Variants in ADGRE2 observed in about 807,000 individuals in gnomAD.
The protein encoded by ADGRE2 is CD97 antigen.
Under a neutral mutation model 100.8 loss-of-function variants are expected in ADGRE2, and 83 were observed. The ratio of observed to expected loss-of-function variants is 0.82; its 90% CI spans 0.69 to 0.99. The LOEUF (loss-of-function observed/expected upper bound fraction) is 0.99. ADGRE2 is among the 50% of genes least tolerant of loss of function. ADGRE2 has a pLI of 0.00. For missense variants in ADGRE2, 814 were observed against 1,035.7 expected (o/e 0.79, Z 2.94); for synonymous variants, 355 against 413.0 (o/e 0.86, Z 1.70).
chr19:14,776,901 G>C lies in ADGRE2; in HGVS notation c.-145C>G. Reference sequence around the variant, plus strand: ...GGGGGGGCGGACAGCCGCTGGCCCAGGGCCCTCCCCGGAACTGGCGGTGCA... The same window carrying C: ...GGGGGGGCGGACAGCCGCTGGCCCACGGCCCTCCCCGGAACTGGCGGTGCA... On this transcript the variant is annotated 5_prime_UTR_variant, in exon 2 of 21. Transcript: ENST00000315576. 1 of 1,507,098 alleles carries C rather than the reference G, an allele frequency of 6.6e-7. No individual in the cohort carries two copies. The highest frequency in any genetic ancestry group is 1.2e-5 in the South Asian group (1 of 80,290). 93.4% of individuals were successfully genotyped at this position (1,507,098 alleles called of 1,614,324 possible).
Position 14,765,330 on chromosome 19 carries a change from T to C in ADGRE2, c.896A>G (p.Asn299Ser). Residue 299 changes from asparagine to serine, a missense_variant, in exon 10 of 21, where the codon AAC becomes AGC. By Grantham distance (46) the Asn-to-Ser change is conservative. Transcript: ENST00000315576. ...GGGTCCTGTCCTTACCTGGATGGTGTTATTGGCCAAGCCTGGCTTGTAGTC... is the reference window on the plus strand; with the variant it reads ...GGGTCCTGTCCTTACCTGGATGGTGCTATTGGCCAAGCCTGGCTTGTAGTC... ...GRDYKPGLAN[N>S]TIQSILQALD... is the part of the protein sequence containing the mutation. 6.2e-7 allele frequency: 1 copy of C among 1,613,752 alleles called. No individual in the cohort carries two copies. Among genetic ancestry groups the C allele is most frequent in the South Asian group, 1.1e-5 (1 of 91,070 alleles).
At position 14,764,620 on chromosome 19, in the gene ADGRE2, T is replaced by A. The variant is rs767245043; in HGVS notation, c.907-10A>T. 1.4e-5 allele frequency: 23 copies of A among 1,607,636 alleles called. No homozygotes were observed. The East Asian group carries it at 4.5e-4, about 31-fold the overall frequency. The stretch of plus-strand genomic sequence containing the variant: ...GCGCCTGTAAGATGCTCTGGAGGGA[T>A]GTGGACACAGACCTAGTGAGCCATG... On this transcript the variant is annotated splice_polypyrimidine_tract_variant and intron_variant, in intron 10 of 20. Transcript: ENST00000315576.
At position 14,755,051 on chromosome 19, in the gene ADGRE2, G is replaced by A; in HGVS notation, c.1493C>T (p.Thr498Ile). 6.2e-7 allele frequency: 1 copy of A among 1,614,110 alleles called. No individual in the cohort carries two copies. The change falls in exon 14 of 21, where the codon ACA (threonine) becomes ATA (isoleucine). Residue 498 changes from threonine (T) to isoleucine (I), a missense_variant. By Grantham distance (89) the Thr-to-Ile change is moderately conservative. Around this residue, in one of 5 missense-constraint regions of ADGRE2, gnomAD observed 569 missense variants for 692.7 expected, o/e 0.82. Coordinates refer to ENST00000315576, the MANE Select transcript of ADGRE2 (RefSeq NM_013447.4). ...TCTGGTGCCTATTGTGCTGCAGCCT[G>A]TGGTGGCCCAGTGACCACATCCATT... is the stretch of plus-strand genomic sequence containing the variant. ...GQNGCGHWAT[T>I]GCSTIGTRDT...
At chr19:14,766,494 G>T (rs2147441111) in intron 6 of ADGRE2, 113 bp from the exon 7 acceptor site, 2 of 1,342,444 alleles carry the variant, frequency 1.5e-6, no homozygotes, top group Non-Finnish European at 2.0e-6. Flanking sequence ...GACCATTATT[G>T]CACGTGCCAC....
Position 14,772,379 on chromosome 19 carries a change from T to G in ADGRE2, c.318A>C (p.Ala106=). Residue 106 remains alanine (A), a synonymous_variant, in exon 5 of 21, where the codon GCA becomes GCC. Transcript: ENST00000315576. ...TCTCGCTCTCATTCTTGAATGTTTTTGCCCCAGAAACAGGCTCATATCCTG... is the reference window on the plus strand; with the variant it reads ...TCTCGCTCTCATTCTTGAATGTTTTGGCCCCAGAAACAGGCTCATATCCTG... ...CSPGYEPVSG[A]KTFKNESENT... is the part of the protein sequence containing the mutation. 1 of 1,614,120 alleles carries G rather than the reference T, an allele frequency of 6.2e-7. No homozygotes were observed. Among genetic ancestry groups the G allele is most frequent in the Non-Finnish European group, 8.5e-7 (1 of 1,180,024 alleles).
chr19:14,774,425 C>T lies in ADGRE2; in HGVS notation c.32-119G>A, dbSNP rs577172753. 2.3e-5 allele frequency: 35 copies of T among 1,525,404 alleles called. 1 individual carries two copies. In the South Asian group the frequency reaches 2.3e-4, roughly 10 times the overall value. The allele number at this position is 1,525,404 out of a possible 1,614,324, so 94.5% of individuals were successfully genotyped here. A position where few individuals can be genotyped will look rare whatever the true frequency, so the allele number is the denominator to read the frequency against. On this transcript the variant is annotated intron_variant, in intron 2 of 20. Coordinates refer to ENST00000315576, the MANE Select transcript of ADGRE2 (RefSeq NM_013447.4). The stretch of plus-strand genomic sequence containing the variant: ...CCTCTCAGGCTCAGATCCTGCCCAT[C>T]GTTCAAACAGAGTGAGCAGATGTCA...
At chr19:14,759,694 C>A (rs1205236791) in intron 11 of ADGRE2, among the ~76,000 whole-genome samples, 1 of 151,742 alleles carries the variant, frequency 6.6e-6, no homozygotes, top group Non-Finnish European at 1.5e-5. Flanking sequence ...AGGGTTTCAC[C>A]ATATTGGCCA....
chr19:14,747,618 A>G (rs753500238), intron 16 of ADGRE2, among the ~76,000 whole-genome samples: 3 of 152,190 alleles, frequency 2.0e-5, no homozygotes, highest in Non-Finnish European at 4.4e-5. Context: ...CAGCTTGCCC[A>G]GTGTGGTGAA....
rs1019352437 is a variant in ADGRE2, at chr19:14,733,823, C to G, written c.*2413G>C. 1 of 152,086 alleles carries G rather than the reference C, an allele frequency of 6.6e-6. No homozygotes were observed. The highest frequency in any genetic ancestry group is 2.4e-5 in the African/African-American group (1 of 41,406). 9.4% of individuals were successfully genotyped at this position (152,086 alleles called of 1,614,324 possible). ...GAGGCTTGGCAAGGATGCCTGTTAC[C>G]AAGTGGGTTACTTCTGCACTATTTA... is the stretch of plus-strand genomic sequence containing the variant. On this transcript the variant is annotated 3_prime_UTR_variant, in exon 21 of 21. Coordinates refer to ENST00000315576, the MANE Select transcript of ADGRE2 (RefSeq NM_013447.4).
chr19:14,763,345 AAAAAC>A (rs373264140), intron 11 of ADGRE2, among the ~76,000 whole-genome samples: 2,608 of 152,080 alleles, frequency 0.017, 73 homozygotes, highest in African/African-American at 0.059. Context: ...TCTGTCTCAA[AAAAAC>A]AAAACAAAAC....
intron 20 of ADGRE2, chr19:14,742,056 T>C (rs908265589): frequency 1.3e-5 from 5 of 398,534 alleles, no homozygotes; most frequent in African/African-American, 1.0e-4. Flanking sequence ...CCCAGAGTGC[T>C]GGCATTACAA....
In ADGRE2 at chr19:14,772,459, C is replaced by G. The variant is rs370033223; in HGVS notation, c.238G>C (p.Gly80Arg). 1 of 1,614,012 alleles carries G rather than the reference C, an allele frequency of 6.2e-7. No homozygotes were observed. The highest frequency in any genetic ancestry group is 2.2e-5 in the East Asian group (1 of 44,876). Residue 80 changes from glycine (G) to arginine (R), a missense_variant, in exon 5 of 21, where the codon GGA becomes CGA. By Grantham distance (125) the Gly-to-Arg change is moderately radical. Transcript: ENST00000315576. ...GTGTTCCAGCAGTCCGAGAATTTTC[C>G]GCATGACACTTTCGACAGTGTTGCA... is the stretch of plus-strand genomic sequence containing the variant. ...ECATLSKVSCGKFSDCWNTEG... is the reference protein window; with the variant it reads ...ECATLSKVSCRKFSDCWNTEG...
At chr19:14,760,281 C>T (rs1455274501) in intron 11 of ADGRE2, among the ~76,000 whole-genome samples, 1 of 152,142 alleles carries the variant, frequency 6.6e-6, no homozygotes, top group Non-Finnish European at 1.5e-5. Context: ...GATCGTTACA[C>T]ATTCTAGGCA....
At chr19:14,773,911 C>T (rs376560962) in intron 4 of ADGRE2, 27 bp downstream of exon 4, 12 of 1,600,398 alleles carry the variant, frequency 7.5e-6, no homozygotes, top group Middle Eastern at 1.6e-4. Context: ...CGCAGATGTC[C>T]CCTGCGCTGC....
At chr19:14,752,577 A>C in intron 14 of ADGRE2, 51 bp from the exon 15 acceptor site, 1 of 1,581,514 alleles carries the variant, frequency 6.3e-7, no homozygotes, top group Non-Finnish European at 8.6e-7. Flanking sequence ...GCTCTGGGGT[A>C]ATGACCCCAC....
rs2042999612 is a variant in ADGRE2 at position 14,743,741 on chromosome 19, A to G, written c.2227T>C (p.Cys743Arg). ...KATAQLFILGCTWCLGILQVG... is the reference protein window; with the variant it reads ...KATAQLFILGRTWCLGILQVG... Reference sequence around the variant, plus strand: ...TGCAAGATGCCCAGACACCACGTGCAGCCCAGGATGAACAGCTGAGCTGTC... The same window carrying G: ...TGCAAGATGCCCAGACACCACGTGCGGCCCAGGATGAACAGCTGAGCTGTC... The change falls in exon 19 of 21, where the codon TGC becomes CGC. Residue 743 changes from cysteine to arginine, a missense_variant. By Grantham distance (180) the Cys-to-Arg change is radical (BLOSUM62 -3). Transcript: ENST00000315576. 4 of 1,614,226 alleles carry G rather than the reference A, an allele frequency of 2.5e-6. No individual in the cohort carries two copies. In the East Asian group the frequency reaches 8.9e-5, roughly 36 times the overall value.
intron 1 of ADGRE2, chr19:14,777,169 G>T (rs2044475402): frequency 3.4e-6 from 3 of 875,534 alleles, no homozygotes; most frequent in African/African-American, 1.8e-5. Flanking sequence ...GGGCGGTCTC[G>T]CCTGGGGCCA....
chr19:14,771,791 C>T (rs1397808854), intron 5 of ADGRE2: 1 of 153,032 alleles, frequency 6.5e-6, no homozygotes, highest in African/African-American at 2.4e-5. Flanking sequence ...CAGGCACCCA[C>T]CACTGCACCC....
At position 14,734,660 on chromosome 19, in the gene ADGRE2, TAG is replaced by T. The variant is rs2042717796; in HGVS notation, c.*1574_*1575del. 1 of 152,210 alleles carries T rather than the reference TAG, an allele frequency of 6.6e-6. No homozygotes were observed. Among genetic ancestry groups the T allele is most frequent in the Admixed American group, 6.5e-5 (1 of 15,288 alleles). 9.4% of individuals were successfully genotyped at this position (152,210 alleles called of 1,614,324 possible). On this transcript the variant is annotated 3_prime_UTR_variant, in exon 21 of 21. Coordinates refer to ENST00000315576, the MANE Select transcript of ADGRE2 (RefSeq NM_013447.4). Reference sequence around the variant, plus strand: ...CAGGCTGGTCTTGAACTCCTGACCTTAGGTGATCTGACCACCTCAGCCTCCCA... The same window carrying T: ...CAGGCTGGTCTTGAACTCCTGACCTTGTGATCTGACCACCTCAGCCTCCCA...
Sources: allele counts gnomAD v4.1 joint callset (sites outside exome capture counted in the v4.1 genomes callset), GRCh38; gene constraint gnomAD v4.1.1; regional missense constraint gnomAD v4.1.1; transcripts MANE v1.5; gene names NCBI Gene and HGNC (gene_info 2026-07-23, HGNC 2026-07-21).